MAML3: variants seen among roughly 807,000 people sequenced by gnomAD.
MAML3 encodes mastermind-like protein 3.
Under a neutral mutation model 101.9 loss-of-function variants are expected in MAML3, and 27 were observed. The observed-to-expected ratio is 0.27, with a 90% CI of 0.20 to 0.37. The LOEUF is 0.37. Among genes scored for constraint, MAML3 ranks in the 10% least tolerant of loss-of-function variants. The pLI is 1.00. For missense variants in MAML3, 1,316 were observed against 1,444.9 expected, an observed-to-expected ratio of 0.91 and a Z score of 1.45; for synonymous variants, 501 against 555.9, an observed-to-expected ratio of 0.90 and a Z score of 1.39.
intron 1 of MAML3, among the ~76,000 whole-genome samples, chr4:140,024,940 C>A (rs1407073196): frequency 6.6e-6 from 1 of 152,186 alleles, no homozygotes; most frequent in Admixed American, 6.5e-5. Context: ...AAAAATCTCA[C>A]AGAAGTTAGG....
intron 2 of MAML3, among the ~76,000 whole-genome samples, chr4:139,820,454 T>C (rs934751807): frequency 6.6e-6 from 1 of 152,242 alleles, no homozygotes; most frequent in Non-Finnish European, 1.5e-5. Context: ...TCTAGGTTGT[T>C]TCCTAAAATC....
At chr4:139,897,416 A>G (rs1351220566) in intron 1 of MAML3, among the ~76,000 whole-genome samples, 1 of 152,162 alleles carries the variant, frequency 6.6e-6, no homozygotes, top group Non-Finnish European at 1.5e-5. Context: ...TGGACGAAGC[A>G]CAGTCATGCC....
chr4:140,049,647 C>T (rs985901302), intron 1 of MAML3, among the ~76,000 whole-genome samples: 5 of 150,798 alleles, frequency 3.3e-5, no homozygotes, highest in Non-Finnish European at 7.4e-5. Flanking sequence ...TGAGTATCTA[C>T]GTATAAATCA....
chr4:140,131,547 A>G (rs1392932445), intron 1 of MAML3, among the ~76,000 whole-genome samples: 1 of 152,238 alleles, frequency 6.6e-6, no homozygotes, highest in East Asian at 1.9e-4. Context: ...TCTACAAGCT[A>G]TCTCTAAGAA....
At chr4:140,007,898 TCA>T (rs1371931226) in intron 1 of MAML3, among the ~76,000 whole-genome samples, 2 of 152,196 alleles carry the variant, frequency 1.3e-5, no homozygotes, top group Admixed American at 6.5e-5. Context: ...ATCTAGTAAC[TCA>T]CAGTCATTTA....
chr4:140,120,224 G>A (rs1300104077), intron 1 of MAML3, among the ~76,000 whole-genome samples: 10 of 128,234 alleles, frequency 7.8e-5, no homozygotes, highest in African/African-American at 2.7e-4. Context: ...GCGACAGAGC[G>A]AGACTCCGTC....
intron 2 of MAML3, among the ~76,000 whole-genome samples, chr4:139,793,041 C>T (rs757454702): frequency 1.2e-4 from 18 of 152,174 alleles, no homozygotes; most frequent in Admixed American, 3.3e-4. Context: ...ACACCGCGCC[C>T]GGCAGAACTG....
intron 1 of MAML3, among the ~76,000 whole-genome samples, chr4:139,969,260 C>G (rs1162003684): frequency 6.6e-6 from 1 of 151,704 alleles, no homozygotes; most frequent in Non-Finnish European, 1.5e-5. Context: ...CACACTCCCA[C>G]CATCCCCGCC....
At chr4:140,056,452 G>C (rs1299364984) in intron 1 of MAML3, among the ~76,000 whole-genome samples, 1 of 151,158 alleles carries the variant, frequency 6.6e-6, no homozygotes, top group African/African-American at 2.4e-5. Context: ...CTGCCTCCCA[G>C]GTTCAAAAGA....
At chr4:139,858,818 C>T (rs1459736974) in intron 2 of MAML3, among the ~76,000 whole-genome samples, 1 of 152,164 alleles carries the variant, frequency 6.6e-6, no homozygotes, top group Non-Finnish European at 1.5e-5. Context: ...GATACAATGC[C>T]TTCAACACTG....
At chr4:140,151,632 C>T (rs2111069050) in intron 1 of MAML3, among the ~76,000 whole-genome samples, 1 of 152,056 alleles carries the variant, frequency 6.6e-6, no homozygotes, top group East Asian at 2.0e-4. Context: ...GGCGCGCGGC[C>T]CCGGCACGCT....
intron 2 of MAML3, among the ~76,000 whole-genome samples, chr4:139,801,098 C>T (rs550763927): frequency 1.2e-4 from 19 of 152,178 alleles, no homozygotes; most frequent in Non-Finnish European, 2.1e-4. Flanking sequence ...CTAAGAGTAG[C>T]TAGGAGCTCC....
chr4:140,055,103 C>T (rs558138669), intron 1 of MAML3, among the ~76,000 whole-genome samples: 10 of 152,282 alleles, frequency 6.6e-5, no homozygotes, highest in African/African-American at 1.9e-4. Context: ...TCAGACCACA[C>T]GGCCTCTAAA....
At chr4:139,755,879 C>G (rs1224118603) in intron 2 of MAML3, among the ~76,000 whole-genome samples, 2 of 152,192 alleles carry the variant, frequency 1.3e-5, no homozygotes, top group African/African-American at 4.8e-5. Flanking sequence ...TCTGTAATTT[C>G]TAATTCATTT....
At chr4:139,840,198 C>A (rs1731337095) in intron 2 of MAML3, among the ~76,000 whole-genome samples, 1 of 152,162 alleles carries the variant, frequency 6.6e-6, no homozygotes, top group African/African-American at 2.4e-5. Flanking sequence ...CCCCTGGGAT[C>A]CTCCCTTCAT....
chr4:139,769,943 A>C, intron 2 of MAML3, among the ~76,000 whole-genome samples: 2 of 139,322 alleles, frequency 1.4e-5, no homozygotes, highest in Non-Finnish European at 3.1e-5. Flanking sequence ...TTTTAAAGAC[A>C]CAGTCTCCCT....
chr4:139,737,094 G>A (rs768150542), intron 2 of MAML3, among the ~76,000 whole-genome samples: 1 of 152,098 alleles, frequency 6.6e-6, no homozygotes, highest in Non-Finnish European at 1.5e-5. Flanking sequence ...GAGGAAGGGC[G>A]AGTCCCCTAT....
At chr4:139,779,816 T>TGGAGAA (rs1450390412) in intron 2 of MAML3, among the ~76,000 whole-genome samples, 1 of 152,336 alleles carries the variant, frequency 6.6e-6, no homozygotes, top group East Asian at 1.9e-4. Flanking sequence ...CAGGCTTGAC[T>TGGAGAA]ATGGAGGCCC....
intron 1 of MAML3, chr4:140,134,217 G>C: frequency 2.2e-6 from 1 of 456,652 alleles, no homozygotes; most frequent in Non-Finnish European, 4.4e-6. Context: ...TAGGAAGTAC[G>C]GGGAAAGTAA....
Sources: gnomAD v4.1 joint callset for allele counts (sites outside exome capture counted in the v4.1 genomes callset) on GRCh38, gnomAD v4.1.1 for gene constraint, MANE v1.5 for transcripts, NCBI Gene and HGNC (gene_info 2026-07-23, HGNC 2026-07-21) for gene names.